GPC5: variants seen among roughly 807,000 people sequenced by gnomAD.
GPC5 encodes the protein glypican 5.
A neutral mutation model predicts 53.9 loss-of-function variants in GPC5; 47 were observed. The observed-to-expected ratio is 0.87, with a 90% CI of 0.69 to 1.11. The LOEUF (loss-of-function observed/expected upper bound fraction) is 1.11, where lower values mean the gene tolerates loss of function less well. GPC5 is among the 50% of genes most tolerant of loss of function. The pLI is 0.00. For missense variants in GPC5, 748 were observed against 713.1 expected, an observed-to-expected ratio of 1.05 and a Z score of -0.56; for synonymous variants, 286 against 263.3, an observed-to-expected ratio of 1.09 and a Z score of -0.84.
At chr13:91,506,037 A>G (rs1278215316) in intron 2 of GPC5, among the ~76,000 whole-genome samples, 1 of 152,182 alleles carries the variant, frequency 6.6e-6, no homozygotes, top group South Asian at 2.1e-4. Flanking sequence ...ACGGGTTTGC[A>G]CAGATTCTAT....
At chr13:92,520,227 T>A (rs912363780) in intron 7 of GPC5, among the ~76,000 whole-genome samples, 3 of 152,152 alleles carry the variant, frequency 2.0e-5, no homozygotes, top group Admixed American at 1.3e-4. Flanking sequence ...CCATTCCTTC[T>A]GAAACTATTC....
At chr13:92,077,456 A>G (rs565579832) in intron 6 of GPC5, among the ~76,000 whole-genome samples, 7 of 152,254 alleles carry the variant, frequency 4.6e-5, no homozygotes, top group Non-Finnish European at 1.0e-4. Context: ...CTAACAGGGG[A>G]TGCTTTGGAA....
chr13:91,932,092 A>G (rs867086354), intron 6 of GPC5, among the ~76,000 whole-genome samples: 1 of 152,084 alleles, frequency 6.6e-6, no homozygotes, highest in Non-Finnish European at 1.5e-5. Flanking sequence ...CATGCTTCAG[A>G]TAATTCTTTA....
chr13:92,544,846 T>C (rs1204578214), intron 7 of GPC5, among the ~76,000 whole-genome samples: 2 of 152,190 alleles, frequency 1.3e-5, no homozygotes, highest in East Asian at 1.9e-4. Flanking sequence ...CATCTATTCC[T>C]TTTTTATGTG....
chr13:92,605,734 C>T (rs139497223), intron 7 of GPC5, among the ~76,000 whole-genome samples: 2 of 151,930 alleles, frequency 1.3e-5, no homozygotes, highest in African/African-American at 2.4e-5. Context: ...GGACTACAGG[C>T]GCCCGCCACC....
At chr13:92,751,475 A>G (rs1889397086) in intron 7 of GPC5, among the ~76,000 whole-genome samples, 1 of 152,010 alleles carries the variant, frequency 6.6e-6, no homozygotes, top group South Asian at 2.1e-4. Context: ...TCCAGCTCAA[A>G]GCAGAGATGA....
chr13:92,745,449 C>A (rs1235961503), intron 7 of GPC5, among the ~76,000 whole-genome samples: 1 of 152,026 alleles, frequency 6.6e-6, no homozygotes, highest in Non-Finnish European at 1.5e-5. Context: ...AAGCTTAGTT[C>A]TGAAATAATT....
chr13:92,354,104 G>T (rs114314423), intron 7 of GPC5, among the ~76,000 whole-genome samples: 1,982 of 152,176 alleles, frequency 0.013, 50 homozygotes, highest in African/African-American at 0.045. Flanking sequence ...TTTTATGTTT[G>T]ACCTTGTCAA....
At chr13:92,183,369 CT>C (rs796774651) in intron 7 of GPC5, among the ~76,000 whole-genome samples, 1 of 151,472 alleles carries the variant, frequency 6.6e-6, no homozygotes, top group Non-Finnish European at 1.5e-5. Flanking sequence ...TGCTTTTTTT[CT>C]TTTTTTTATG....
At chr13:91,970,663 T>A (rs185408094) in intron 6 of GPC5, among the ~76,000 whole-genome samples, 1 of 144,584 alleles carries the variant, frequency 6.9e-6, no homozygotes, top group East Asian at 1.9e-4. Flanking sequence ...TTATTGAGAG[T>A]TTTTAGCATG....
intron 7 of GPC5, among the ~76,000 whole-genome samples, chr13:92,593,806 G>A (rs1292139733): frequency 6.6e-6 from 1 of 152,106 alleles, no homozygotes; most frequent in Non-Finnish European, 1.5e-5. Flanking sequence ...CTCTGAAATG[G>A]CAAGTAAGAC....
At chr13:91,795,475 C>G (rs1404850423) in intron 5 of GPC5, among the ~76,000 whole-genome samples, 1 of 152,150 alleles carries the variant, frequency 6.6e-6, no homozygotes, top group African/African-American at 2.4e-5. Flanking sequence ...TGTTTCTTGG[C>G]ATATCTATTT....
intron 6 of GPC5, among the ~76,000 whole-genome samples, chr13:92,012,197 T>C (rs1431074174): frequency 2.6e-5 from 4 of 152,226 alleles, no homozygotes; most frequent in African/African-American, 9.6e-5. Context: ...ATTCCATTTT[T>C]CAACATCCTC....
chr13:91,537,448 C>A (rs1166060972), intron 2 of GPC5, among the ~76,000 whole-genome samples: 1 of 152,186 alleles, frequency 6.6e-6, no homozygotes, highest in East Asian at 1.9e-4. Flanking sequence ...ACAACTCCTA[C>A]AAAGATGCAA....
At chr13:92,500,163 T>C (rs1241792599) in intron 7 of GPC5, among the ~76,000 whole-genome samples, 2 of 152,104 alleles carry the variant, frequency 1.3e-5, no homozygotes, top group African/African-American at 2.4e-5. Flanking sequence ...GCTTGAGAAC[T>C]GAGAAAATGG....
chr13:92,641,714 G>A (rs1225568831), intron 7 of GPC5, among the ~76,000 whole-genome samples: 1 of 152,028 alleles, frequency 6.6e-6, no homozygotes, highest in Non-Finnish European at 1.5e-5. Context: ...AGTTTTTGTA[G>A]TTATGTTTTT....
chr13:92,072,868 A>G (rs534132767), intron 6 of GPC5, among the ~76,000 whole-genome samples: 5 of 152,278 alleles, frequency 3.3e-5, no homozygotes, highest in African/African-American at 1.2e-4. Flanking sequence ...ACCATGACCA[A>G]CCAAGAGTTA....
intron 7 of GPC5, among the ~76,000 whole-genome samples, chr13:92,151,669 T>C (rs1308751329): frequency 6.6e-6 from 1 of 152,178 alleles, no homozygotes; most frequent in Non-Finnish European, 1.5e-5. Flanking sequence ...TTATACTTTC[T>C]TTAAGGATAC....
intron 2 of GPC5, among the ~76,000 whole-genome samples, chr13:91,667,832 C>A (rs915108794): frequency 2.0e-5 from 3 of 152,096 alleles, no homozygotes; most frequent in South Asian, 2.1e-4. Context: ...CAGAAGAATT[C>A]ATTGCCATGA....
Sources: gnomAD v4.1 joint callset for allele counts (sites outside exome capture counted in the v4.1 genomes callset) on GRCh38, gnomAD v4.1.1 for gene constraint, MANE v1.5 for transcripts, NCBI Gene and HGNC (gene_info 2026-07-23, HGNC 2026-07-21) for gene names.